The following KCNH8 variants were observed in gnomAD, a reference collection of about 807,000 sequenced individuals.
The protein encoded by KCNH8 is potassium voltage-gated channel subfamily H member 8, also known as voltage-gated delayed rectifier potassium channel KCNH8.
Under a neutral mutation model 103.6 loss-of-function variants are expected in KCNH8, and 70 were observed. The ratio of observed to expected loss-of-function variants is 0.68; its 90% CI spans 0.56 to 0.82. The LOEUF (loss-of-function observed/expected upper bound fraction) is 0.82, where lower values mean the gene tolerates loss of function less well. Among genes scored for constraint, KCNH8 ranks in the 40% least tolerant of loss-of-function variants. KCNH8 has a pLI of 0.00. For missense variants in KCNH8, 1,217 were observed against 1,329.9 expected (o/e 0.92, Z 1.32); for synonymous variants, 498 against 489.4 (o/e 1.02, Z -0.23).
At chr3:19,392,957 A>G (rs567257827) in intron 6 of KCNH8, among the ~76,000 whole-genome samples, 29 of 152,152 alleles carry the variant, frequency 1.9e-4, no homozygotes, top group African/African-American at 5.5e-4. Context: ...AAAATGCAAC[A>G]TATCTATACA....
chr3:19,358,201 T>C (rs1213749026), intron 5 of KCNH8, among the ~76,000 whole-genome samples: 5 of 151,188 alleles, frequency 3.3e-5, no homozygotes, highest in Non-Finnish European at 7.4e-5. Flanking sequence ...TCCTTCTTTT[T>C]TCTTTCTCTT....
intron 1 of KCNH8, among the ~76,000 whole-genome samples, chr3:19,178,487 T>C (rs1272004303): frequency 6.6e-6 from 1 of 152,134 alleles, no homozygotes; most frequent in Non-Finnish European, 1.5e-5. Context: ...AGACTGGCAT[T>C]ACTATAACAC....
chr3:19,169,646 A>G (rs1277445398), intron 1 of KCNH8, among the ~76,000 whole-genome samples: 1 of 152,094 alleles, frequency 6.6e-6, no homozygotes, highest in East Asian at 1.9e-4. Flanking sequence ...CCTGTGTGTT[A>G]TTTCTCACCT....
At chr3:19,420,317 C>G (rs1391185354) in intron 7 of KCNH8, among the ~76,000 whole-genome samples, 1 of 152,132 alleles carries the variant, frequency 6.6e-6, no homozygotes, top group Non-Finnish European at 1.5e-5. Flanking sequence ...TATATTGAAG[C>G]CAGTGACTGA....
chr3:19,216,257 A>C (rs1402242051), intron 1 of KCNH8, among the ~76,000 whole-genome samples: 8 of 152,198 alleles, frequency 5.3e-5, no homozygotes, highest in Admixed American at 5.2e-4. Flanking sequence ...AGAGAAAAAA[A>C]TAGAAACAAC....
rs771839906 is a variant in KCNH8, at chr3:19,518,010, G to C, written c.2555G>C (p.Gly852Ala). The change falls in exon 15 of 16, where the codon GGA becomes GCA. Residue 852 changes from glycine to alanine, a missense_variant. Physicochemically the swap from Gly to Ala is moderately conservative, Grantham distance 60. This residue lies in a region of KCNH8 where 558 missense variants were observed against 495.8 expected (regional missense o/e 1.13). Transcript: ENST00000328405. ...ISPPLGDPEIGAAVLFIKAEE... is the reference protein window; with the variant it reads ...ISPPLGDPEIAAAVLFIKAEE... ...TGTCACTTTTCAGATCCAGAGATTG[G>C]AGCTGCTGTTCTCTTCATCAAAGCA... 2 of 1,612,146 alleles carry C rather than the reference G, an allele frequency of 1.2e-6. No individual in the cohort carries two copies. The highest frequency in any genetic ancestry group is 1.7e-6 in the Non-Finnish European group (2 of 1,178,756).
intron 5 of KCNH8, among the ~76,000 whole-genome samples, chr3:19,365,273 A>G (rs977701417): frequency 6.6e-6 from 1 of 152,116 alleles, no homozygotes; most frequent in Admixed American, 6.6e-5. Context: ...ATGTCTGTCA[A>G]TTACAGCCAT....
intron 1 of KCNH8, among the ~76,000 whole-genome samples, chr3:19,225,035 G>A (rs1400589176): frequency 1.3e-5 from 2 of 151,996 alleles, no homozygotes; most frequent in African/African-American, 2.4e-5. Context: ...TGAATGGGAC[G>A]TTGATACAGC....
chr3:19,335,469 A>G (rs9846690), intron 3 of KCNH8, among the ~76,000 whole-genome samples: 4 of 100,006 alleles, frequency 4.0e-5, no homozygotes, highest in African/African-American at 8.5e-5. Context: ...GTGTGTGTGT[A>G]TATATATGTG....
At chr3:19,211,204 T>C (rs2063767693) in intron 1 of KCNH8, among the ~76,000 whole-genome samples, 1 of 152,166 alleles carries the variant, frequency 6.6e-6, no homozygotes, top group Non-Finnish European at 1.5e-5. Flanking sequence ...AAGAAAAACA[T>C]ATACAATGAT....
chr3:19,463,605 G>T (rs891905401), intron 11 of KCNH8, among the ~76,000 whole-genome samples: 3 of 152,058 alleles, frequency 2.0e-5, no homozygotes, highest in African/African-American at 7.2e-5. Flanking sequence ...TTATGGAGAA[G>T]ATTAATAAAA....
In KCNH8 at chr3:19,411,577, T is replaced by C. The variant is rs541288295; in HGVS notation, c.1177+16266T>C. On this transcript the variant is annotated intron_variant, in intron 7 of 15. Transcript: ENST00000328405. ...CAGGAAAAGAAGAAGTCAAACTCTCTTTTGGGGAGATATGATTCTACACCT... is the reference window on the plus strand; with the variant it reads ...CAGGAAAAGAAGAAGTCAAACTCTCCTTTGGGGAGATATGATTCTACACCT... Among the ~76,000 whole-genome samples, 185 of 152,112 alleles carry C rather than the reference T, an allele frequency of 1.2e-3. No homozygotes were observed. In the South Asian group the frequency reaches 0.015, roughly 12 times the overall value.
At chr3:19,296,855 AT>A (rs968692638) in intron 3 of KCNH8, among the ~76,000 whole-genome samples, 62 of 151,682 alleles carry the variant, frequency 4.1e-4, no homozygotes, top group African/African-American at 9.2e-4. Context: ...TTAAATATAT[AT>A]TTTTTTCTTA....
rs1171451643 is a variant in KCNH8, at chr3:19,510,399, C to T, written c.2077C>T (p.Gln693Ter). The T allele has an allele frequency of 1.3e-6, 2 of 1,568,948 alleles. No homozygotes were observed. Among genetic ancestry groups the T allele is most frequent in the Non-Finnish European group, 1.8e-6 (2 of 1,139,114 alleles). Reference protein sequence around the residue: ...SRLSNKSMVSQSEPKGNGNIN... With the variant: ...SRLSNKSMVS Reference sequence around the variant, plus strand: ...ACTATCAAACAAATCTATGGTCTCACAGGTATGGCTTTTGCTACACAGCAA... The same window carrying T: ...ACTATCAAACAAATCTATGGTCTCATAGGTATGGCTTTTGCTACACAGCAA... Residue 693 changes from glutamine (Q) to a stop codon, truncating the protein, a stop_gained and splice_region_variant, in exon 12 of 16, where the codon CAG becomes TAG. Coordinates refer to ENST00000328405, the MANE Select transcript of KCNH8 (RefSeq NM_144633.3). LOFTEE classifies it high-confidence loss of function.
intron 1 of KCNH8, among the ~76,000 whole-genome samples, chr3:19,239,906 C>T (rs1433147899): frequency 6.6e-6 from 1 of 152,122 alleles, no homozygotes. Context: ...GGGAACGGAG[C>T]AGGGAAGCCA....
At chr3:19,259,979 A>T (rs1188944000) in intron 2 of KCNH8, among the ~76,000 whole-genome samples, 1 of 151,696 alleles carries the variant, frequency 6.6e-6, no homozygotes, top group East Asian at 1.9e-4. Flanking sequence ...AGGGCTGAAG[A>T]GGCTTCTTTA....
At chr3:19,227,829 T>C (rs1453045393) in intron 1 of KCNH8, among the ~76,000 whole-genome samples, 1 of 152,204 alleles carries the variant, frequency 6.6e-6, no homozygotes, top group African/African-American at 2.4e-5. Flanking sequence ...TCTGTCTGAC[T>C]TCAAGGATCT....
chr3:19,440,311 A>G (rs1256449339), intron 8 of KCNH8, among the ~76,000 whole-genome samples: 1 of 152,202 alleles, frequency 6.6e-6, no homozygotes, highest in African/African-American at 2.4e-5. Flanking sequence ...GCTTGATTCA[A>G]CCATTTATGT....
At chr3:19,483,180 A>G (rs1056766396) in intron 11 of KCNH8, among the ~76,000 whole-genome samples, 1 of 152,138 alleles carries the variant, frequency 6.6e-6, no homozygotes, top group Non-Finnish European at 1.5e-5. Context: ...CCCACTGGTC[A>G]GGTAATTTCG....
Sources: gnomAD v4.1 joint callset for allele counts (sites outside exome capture counted in the v4.1 genomes callset) on GRCh38, gnomAD v4.1.1 for gene constraint, gnomAD v4.1.1 regional missense constraint, MANE v1.5 for transcripts, NCBI Gene and HGNC (gene_info 2026-07-23, HGNC 2026-07-21) for gene names.